Variants in FRMD4A observed in about 807,000 individuals in gnomAD.
FRMD4A encodes FERM domain-containing protein 4A.
FRMD4A carries 29 observed loss-of-function variants against 129.1 expected under a neutral mutation model. The ratio of observed to expected loss-of-function variants is 0.22; its 90% CI spans 0.17 to 0.31. The LOEUF (loss-of-function observed/expected upper bound fraction) is 0.31. Ranked by LOEUF, FRMD4A falls within the 10% of genes least tolerant of loss-of-function variation. FRMD4A has a pLI of 1.00. For missense variants in FRMD4A, 1,272 were observed against 1,375.8 expected (o/e 0.92, Z 1.19); for synonymous variants, 634 against 571.6 (o/e 1.11, Z -1.56).
chr10:13,803,830 G>A (rs1460932408), intron 4 of FRMD4A, among the ~76,000 whole-genome samples: 1 of 152,186 alleles, frequency 6.6e-6, no homozygotes, highest in Non-Finnish European at 1.5e-5. Context: ...CCATATTCTT[G>A]TAGGTTCAGG....
intron 6 of FRMD4A, among the ~76,000 whole-genome samples, chr10:13,770,192 G>T (rs1032406365): frequency 1.3e-5 from 2 of 152,200 alleles, no homozygotes; most frequent in Admixed American, 1.3e-4. Flanking sequence ...GGCAAACAGG[G>T]GCTGTGGTGC....
At chr10:13,831,353 C>T (rs115445035) in intron 3 of FRMD4A, among the ~76,000 whole-genome samples, 1,580 of 152,226 alleles carry the variant, frequency 0.01, 26 homozygotes, top group African/African-American at 0.035. Flanking sequence ...GAAGTTGAGG[C>T]AGGAGGATTG....
At chr10:13,778,609 G>GTGTA (rs1564787283) in intron 6 of FRMD4A, among the ~76,000 whole-genome samples, 5 of 146,572 alleles carry the variant, frequency 3.4e-5, no homozygotes, top group Non-Finnish European at 7.5e-5. Flanking sequence ...GTGTGTGTGT[G>GTGTA]TGTGTGTGTG....
chr10:13,740,345 G>A, intron 10 of FRMD4A, 94 bp from the exon 11 acceptor site: 2 of 962,426 alleles, frequency 2.1e-6, no homozygotes, highest in Non-Finnish European at 3.4e-6. Flanking sequence ...ATTTGTGTAT[G>A]TGTACGTGAT....
At chr10:14,101,416 T>A (rs908647945) in intron 2 of FRMD4A, among the ~76,000 whole-genome samples, 50 of 152,212 alleles carry the variant, frequency 3.3e-4, no homozygotes, top group African/African-American at 1.2e-3. Flanking sequence ...GACTAGGTAG[T>A]CTGCTCCTCA....
intron 9 of FRMD4A, among the ~76,000 whole-genome samples, chr10:13,745,600 G>A (rs1049420469): frequency 1.3e-5 from 2 of 152,196 alleles, no homozygotes; most frequent in African/African-American, 4.8e-5. Flanking sequence ...AATCATGTGT[G>A]AGTACAGAGC....
chr10:13,775,926 C>A (rs1167794510), intron 6 of FRMD4A, among the ~76,000 whole-genome samples: 1 of 152,144 alleles, frequency 6.6e-6, no homozygotes, highest in African/African-American at 2.4e-5. Flanking sequence ...CAAGTATTCC[C>A]TTTGGGTAAA....
At chr10:13,811,528 C>T (rs1309060375) in intron 3 of FRMD4A, among the ~76,000 whole-genome samples, 3 of 149,578 alleles carry the variant, frequency 2.0e-5, no homozygotes, top group East Asian at 2.0e-4. Flanking sequence ...GCCAAGATCA[C>T]GCCACTGCAC....
chr10:14,019,903 T>C (rs1336947181), intron 2 of FRMD4A, among the ~76,000 whole-genome samples: 2 of 152,240 alleles, frequency 1.3e-5, no homozygotes, highest in Non-Finnish European at 2.9e-5. Flanking sequence ...CTGTTTCTTT[T>C]TTTCCTTTGG....
At chr10:14,103,444 T>C (rs907627567) in intron 2 of FRMD4A, among the ~76,000 whole-genome samples, 1 of 152,166 alleles carries the variant, frequency 6.6e-6, no homozygotes, top group African/African-American at 2.4e-5. Context: ...GGTGATCCAC[T>C]GAGGTTGGTG....
chr10:13,955,981 C>T (rs2457850), intron 2 of FRMD4A, among the ~76,000 whole-genome samples: 70,141 of 151,976 alleles, frequency 0.46, 17,361 homozygotes, highest in East Asian at 0.82. Context: ...TATTTTACAC[C>T]CTTTCAAATT....
rs755826076 is a variant in FRMD4A, at chr10:13,694,029, T to C, written c.986A>G (p.His329Arg). The C allele has an allele frequency of 2.0e-6, 3 of 1,512,854 alleles. No homozygotes were observed. Among genetic ancestry groups the C allele is most frequent in the South Asian group, 1.3e-5 (1 of 74,696 alleles). The allele number at this position is 1,512,854 out of a possible 1,614,324, so 93.7% of individuals were successfully genotyped here. A position where few individuals can be genotyped will look rare whatever the true frequency, so the allele number is the denominator to read the frequency against. Residue 329 changes from histidine (H) to arginine (R), a missense_variant, in exon 15 of 25, where the codon CAT becomes CGT. Transcript: ENST00000357447. ...GATCTCACTCAGGCTGCGTGCTGCA[T>C]GGATTTTGGACTGGAATGGAAAGGG... ...LDRKQSKSKIHAARSLSEIAI... is the reference protein window; with the variant it reads ...LDRKQSKSKIRAARSLSEIAI...
At chr10:14,065,537 G>A (rs1236345469) in intron 2 of FRMD4A, among the ~76,000 whole-genome samples, 1 of 152,038 alleles carries the variant, frequency 6.6e-6, no homozygotes, top group Non-Finnish European at 1.5e-5. Context: ...TCCAGGTGGT[G>A]GTCACAGGGC....
In FRMD4A at chr10:14,125,773, G is replaced by A. The variant is rs149922439; in HGVS notation, c.45+204285C>T. Among the ~76,000 whole-genome samples, 360 of 152,010 alleles carry A rather than the reference G, an allele frequency of 2.4e-3. 1 individual carries two copies. The highest frequency in any genetic ancestry group is 4.2e-3 in the Admixed American group (64 of 15,276). On this transcript the variant is annotated intron_variant, in intron 2 of 24. Transcript: ENST00000357447. ...CTCATGCGCACGCGCACACATACAC[G>A]GCTCCTGCTATCTCGGAACTTCCAG...
chr10:13,851,548 C>T (rs946738727), intron 3 of FRMD4A, among the ~76,000 whole-genome samples: 3 of 152,064 alleles, frequency 2.0e-5, no homozygotes, highest in Non-Finnish European at 2.9e-5. Context: ...ATTAGATTCT[C>T]GCAGGAGTCC....
rs747299123 is a variant in FRMD4A, at chr10:13,692,140, C to CTTTTTTTTTTTTT, written c.1117+1745_1117+1757dup. The CTTTTTTTTTTTTT allele has an allele frequency of 2.8e-4, 28 of 100,484 alleles. 13 individuals are homozygous for CTTTTTTTTTTTTT. The highest frequency in any genetic ancestry group is 7.4e-4 in the African/African-American group (18 of 24,450). 6.2% of individuals were successfully genotyped at this position (100,484 alleles called of 1,614,324 possible). ...CTTGAAGCTTATAAAATTTTAGCAG[C>CTTTTTTTTTTTTT]TTTTTTTTTTTTTTTTTTTTTTTTT... On this transcript the variant is annotated intron_variant, in intron 15 of 24. Transcript: ENST00000357447.
chr10:13,969,194 T>G (rs2095503365), intron 2 of FRMD4A, among the ~76,000 whole-genome samples: 1 of 152,158 alleles, frequency 6.6e-6, no homozygotes, highest in Admixed American at 6.5e-5. Flanking sequence ...GCCTCCCAGG[T>G]TGGTGAATTG....
At chr10:13,838,958 A>C (rs986542946) in intron 3 of FRMD4A, among the ~76,000 whole-genome samples, 2 of 145,932 alleles carry the variant, frequency 1.4e-5, no homozygotes, top group African/African-American at 2.5e-5. Flanking sequence ...AATGATTAAT[A>C]TGACTTTAGG....
intron 2 of FRMD4A, among the ~76,000 whole-genome samples, chr10:14,177,795 G>C (rs1391184640): frequency 6.6e-6 from 1 of 152,194 alleles, no homozygotes; most frequent in African/African-American, 2.4e-5. Context: ...ACCACTTAGG[G>C]AGGGTAGAAC....
Sources: gnomAD v4.1 joint callset for allele counts (sites outside exome capture counted in the v4.1 genomes callset) on GRCh38, gnomAD v4.1.1 for gene constraint, MANE v1.5 for transcripts, NCBI Gene and HGNC (gene_info 2026-07-23, HGNC 2026-07-21) for gene names.